Variants in MSRA observed in about 807,000 individuals in gnomAD.
MSRA encodes mitochondrial peptide methionine sulfoxide reductase.
MSRA carries 54 observed loss-of-function variants against 31.3 expected under a neutral mutation model. The ratio of observed to expected loss-of-function variants is 1.73; its 90% CI spans 1.39 to 2.17. The LOEUF is 2.17. Among genes scored for constraint, MSRA ranks in the 30% most tolerant of loss-of-function variants. The pLI is 0.00. For missense variants in MSRA, 507 were observed against 300.9 expected (o/e 1.69, Z -5.07); for synonymous variants, 169 against 116.5 (o/e 1.45, Z -2.90).
At chr8:10,315,906 A>AT in intron 4 of MSRA, among the ~76,000 whole-genome samples, 1 of 152,250 alleles carries the variant, frequency 6.6e-6, no homozygotes, top group Non-Finnish European at 1.5e-5. Flanking sequence ...TTTCCCTTTT[A>AT]CACAAACAAA....
intron 5 of MSRA, among the ~76,000 whole-genome samples, chr8:10,354,902 C>T (rs1054115884): frequency 5.9e-5 from 9 of 152,080 alleles, no homozygotes; most frequent in Non-Finnish European, 8.8e-5. Context: ...ACATTTCCTG[C>T]TCATAAATGC....
At chr8:10,054,739 C>T (rs982988329) in intron 1 of MSRA, 81 bp downstream of exon 1, 2 of 1,351,190 alleles carry the variant, frequency 1.5e-6, no homozygotes, top group African/African-American at 1.5e-5. Flanking sequence ...GCCCGCTGCC[C>T]GGAAGGAAGC....
chr8:10,062,090 G>C (rs1262748034), intron 1 of MSRA, among the ~76,000 whole-genome samples: 1 of 152,208 alleles, frequency 6.6e-6, no homozygotes, highest in Non-Finnish European at 1.5e-5. Flanking sequence ...GGTCTTATGA[G>C]GGTGAGTGGC....
chr8:10,157,304 A>G (rs1342072165), intron 1 of MSRA, among the ~76,000 whole-genome samples: 1 of 152,152 alleles, frequency 6.6e-6, no homozygotes, highest in Non-Finnish European at 1.5e-5. Context: ...TTGTACTGAG[A>G]TTCAGGAACC....
At chr8:10,116,459 A>G (rs890487924) in intron 1 of MSRA, among the ~76,000 whole-genome samples, 2 of 152,208 alleles carry the variant, frequency 1.3e-5, no homozygotes, top group South Asian at 4.1e-4. Flanking sequence ...CACCTCCTGT[A>G]TGCTGAACGC....
intron 1 of MSRA, among the ~76,000 whole-genome samples, chr8:10,097,082 TG>T (rs1799208168): frequency 6.6e-6 from 1 of 152,198 alleles, no homozygotes; most frequent in Non-Finnish European, 1.5e-5. Context: ...TTTCCATTAT[TG>T]CGCGCCTTAA....
intron 2 of MSRA, among the ~76,000 whole-genome samples, chr8:10,219,405 C>A (rs911931698): frequency 7.9e-5 from 12 of 152,116 alleles, no homozygotes; most frequent in African/African-American, 2.9e-4. Context: ...TGACCCACTT[C>A]TTTTTTAATC....
At chr8:10,264,388 A>G (rs1798636454) in intron 3 of MSRA, among the ~76,000 whole-genome samples, 1 of 152,278 alleles carries the variant, frequency 6.6e-6, no homozygotes, top group South Asian at 2.1e-4. Context: ...ATAGTTTTAA[A>G]TGATTGCAAG....
chr8:10,395,289 G>A (rs1282439953), intron 5 of MSRA, among the ~76,000 whole-genome samples: 1 of 152,148 alleles, frequency 6.6e-6, no homozygotes, highest in East Asian at 1.9e-4. Flanking sequence ...GGGCTGCAGT[G>A]GGTAAGGGAG....
chr8:10,237,819 C>T (rs1036417818), intron 2 of MSRA, among the ~76,000 whole-genome samples: 1 of 152,160 alleles, frequency 6.6e-6, no homozygotes, highest in Non-Finnish European at 1.5e-5. Context: ...AATCATGACC[C>T]ATGACTTCCT....
chr8:10,227,045 C>T (rs1412382289), intron 2 of MSRA, among the ~76,000 whole-genome samples: 1 of 152,200 alleles, frequency 6.6e-6, no homozygotes, highest in African/African-American at 2.4e-5. Context: ...CATGGCTCAC[C>T]AGTCCATCCC....
intron 5 of MSRA, among the ~76,000 whole-genome samples, chr8:10,331,672 A>G (rs544513413): frequency 6.6e-6 from 1 of 152,306 alleles, no homozygotes; most frequent in African/African-American, 2.4e-5. Flanking sequence ...TTCGGTATCC[A>G]ATGGGGATTG....
chr8:10,319,152 T>G (rs886970686), intron 4 of MSRA, among the ~76,000 whole-genome samples: 11 of 152,168 alleles, frequency 7.2e-5, no homozygotes, highest in African/African-American at 2.4e-4. Flanking sequence ...CTGTTTCCCC[T>G]GATTATATTA....
intron 4 of MSRA, among the ~76,000 whole-genome samples, chr8:10,307,732 T>A (rs1447727226): frequency 1.3e-5 from 2 of 152,220 alleles, no homozygotes; most frequent in Non-Finnish European, 2.9e-5. Context: ...GACTGTGGTC[T>A]GGAAACTGCT....
chr8:10,291,262 T>C (rs1404885178), intron 3 of MSRA, among the ~76,000 whole-genome samples: 1 of 152,148 alleles, frequency 6.6e-6, no homozygotes, highest in East Asian at 1.9e-4. Context: ...CAGCAGAGGA[T>C]CATAAATTCT....
intron 5 of MSRA, among the ~76,000 whole-genome samples, chr8:10,391,423 T>C (rs1258150767): frequency 6.6e-6 from 1 of 152,214 alleles, no homozygotes; most frequent in African/African-American, 2.4e-5. Context: ...TCTAGCACAC[T>C]GTCTGGGACT....
chr8:10,224,976 A>C (rs1354299260), intron 2 of MSRA, among the ~76,000 whole-genome samples: 1 of 152,160 alleles, frequency 6.6e-6, no homozygotes, highest in African/African-American at 2.4e-5. Flanking sequence ...CATCTCTACT[A>C]TAAATACAAA....
intron 1 of MSRA, among the ~76,000 whole-genome samples, chr8:10,184,426 T>C (rs1381354316): frequency 6.6e-6 from 1 of 151,910 alleles, no homozygotes; most frequent in East Asian, 1.9e-4. Flanking sequence ...AACTACTTTC[T>C]CTCTAGATGT....
Position 10,384,871 on chromosome 8 carries a change from G to A in MSRA, c.544-43277G>A, listed in dbSNP as rs77811213. Among the ~76,000 whole-genome samples the A allele has an allele frequency of 4.7e-4, 71 of 152,164 alleles. No homozygotes were observed. The East Asian group carries it at 0.011, about 24-fold the overall frequency. On this transcript the variant is annotated intron_variant, in intron 5 of 5. Coordinates refer to ENST00000317173, the MANE Select transcript of MSRA (RefSeq NM_012331.5). ...AAAAAAATTAGCTGGGTGTTGTAGC[G>A]CATACCTGCAGCCCCAGTTGCTCAG...
Sources: gnomAD v4.1 joint callset for allele counts (sites outside exome capture counted in the v4.1 genomes callset) on GRCh38, gnomAD v4.1.1 for gene constraint, MANE v1.5 for transcripts, NCBI Gene and HGNC (gene_info 2026-07-23, HGNC 2026-07-21) for gene names.